Variants in KDM4C observed in about 807,000 individuals in gnomAD.
The protein encoded by KDM4C is lysine-specific demethylase 4C.
In KDM4C, 81 loss-of-function variants were observed where a neutral mutation model predicts 129.3. The ratio of observed to expected loss-of-function variants is 0.63; its 90% CI spans 0.52 to 0.75. The LOEUF (loss-of-function observed/expected upper bound fraction) is 0.75, where lower values mean the gene tolerates loss of function less well. Ranked by LOEUF, KDM4C falls within the 30% of genes least tolerant of loss-of-function variation. The pLI is 0.00. For missense variants in KDM4C, 1,457 were observed against 1,304.0 expected (o/e 1.12, Z -1.81); for synonymous variants, 573 against 456.1 (o/e 1.26, Z -3.26).
chr9:7,175,459 T>C lies in KDM4C; in HGVS notation c.*730T>C, dbSNP rs1160812911. Reference sequence around the variant, plus strand: ...TCTGGGGCTGTTATTTTTAAACACTTTTTTTCATAATACATATTCCGAGTA... The same window carrying C: ...TCTGGGGCTGTTATTTTTAAACACTCTTTTTCATAATACATATTCCGAGTA... On this transcript the variant is annotated 3_prime_UTR_variant, in exon 22 of 22. Transcript: ENST00000381309. 1 of 152,662 alleles carries C rather than the reference T, an allele frequency of 6.6e-6. No individual in the cohort carries two copies. Among genetic ancestry groups the C allele is most frequent in the Non-Finnish European group, 1.5e-5 (1 of 68,050 alleles). 9.5% of individuals were successfully genotyped at this position (152,662 alleles called of 1,614,324 possible).
chr9:6,908,832 A>T (rs1160107206), intron 8 of KDM4C, among the ~76,000 whole-genome samples: 1 of 152,196 alleles, frequency 6.6e-6, no homozygotes, highest in African/African-American at 2.4e-5. Context: ...GGATAATAAT[A>T]CCAAATTGGA....
At chr9:6,846,930 T>G (rs555911897) in intron 4 of KDM4C, among the ~76,000 whole-genome samples, 1 of 152,334 alleles carries the variant, frequency 6.6e-6, no homozygotes, top group Admixed American at 6.5e-5. Context: ...GAAGAAAGAC[T>G]TGACGCTCAG....
chr9:6,834,072 T>A (rs1027625767), intron 4 of KDM4C, among the ~76,000 whole-genome samples: 1 of 107,568 alleles, frequency 9.3e-6, no homozygotes, highest in African/African-American at 3.8e-5. Flanking sequence ...ATAGTCTTGC[T>A]CTGTCACCTA....
intron 5 of KDM4C, among the ~76,000 whole-genome samples, chr9:6,871,661 A>G (rs1488296410): frequency 2.6e-5 from 4 of 152,226 alleles, no homozygotes; most frequent in Admixed American, 6.5e-5. Context: ...TTTTCAAAGT[A>G]TACAAAAAAG....
intron 15 of KDM4C, among the ~76,000 whole-genome samples, chr9:7,043,210 A>G (rs531865775): frequency 1.6e-4 from 24 of 152,166 alleles, no homozygotes; most frequent in African/African-American, 4.3e-4. Flanking sequence ...CTTTCAATAC[A>G]TGTCTCTGTT....
chr9:7,094,279 G>T (rs140005551), intron 17 of KDM4C, among the ~76,000 whole-genome samples: 3 of 152,192 alleles, frequency 2.0e-5, no homozygotes, highest in South Asian at 2.1e-4. Context: ...CTTTAACAGT[G>T]CCTGTTTTAC....
At chr9:7,017,949 A>G (rs1348330748) in intron 15 of KDM4C, among the ~76,000 whole-genome samples, 1 of 152,180 alleles carries the variant, frequency 6.6e-6, no homozygotes, top group Non-Finnish European at 1.5e-5. Context: ...AAAAATATGG[A>G]CACTCTTTAT....
chr9:6,823,277 G>A (rs954912194), intron 4 of KDM4C, among the ~76,000 whole-genome samples: 1 of 152,188 alleles, frequency 6.6e-6, no homozygotes, highest in African/African-American at 2.4e-5. Context: ...ATGCAGGTCA[G>A]TCTTCAGTGG....
In KDM4C at chr9:7,013,978, A is replaced by G. The variant is rs748508475; in HGVS notation, c.2159A>G (p.Lys720Arg). Residue 720 changes from lysine to arginine, a missense_variant, in exon 14 of 22, where the codon AAG (lysine) becomes AGG (arginine). Physicochemically the swap from Lys to Arg is conservative, Grantham distance 26 (BLOSUM62 2). Coordinates refer to ENST00000381309, the MANE Select transcript of KDM4C (RefSeq NM_015061.6). ...ACAAGTCTCCTTATTTCCTGTGCAA[A>G]GTGCTGCGTACGGGTTCATGCAAGT... The part of the protein sequence containing the change: ...DGTSLLISCA[K>R]CCVRVHASCY... 1 of 1,613,808 alleles carries G rather than the reference A, an allele frequency of 6.2e-7. No individual in the cohort carries two copies. The highest frequency in any genetic ancestry group is 8.5e-7 in the Non-Finnish European group (1 of 1,179,810).
chr9:7,024,366 G>A (rs1362514328), intron 15 of KDM4C, among the ~76,000 whole-genome samples: 1 of 149,706 alleles, frequency 6.7e-6, no homozygotes, highest in Non-Finnish European at 1.5e-5. Flanking sequence ...TAAGTTTTAG[G>A]GTACATGTGC....
intron 5 of KDM4C, among the ~76,000 whole-genome samples, chr9:6,855,966 C>T (rs568506107): frequency 6.6e-6 from 1 of 152,182 alleles, no homozygotes; most frequent in African/African-American, 2.4e-5. Flanking sequence ...GCCATGAACT[C>T]CTGGGTTCAA....
intron 19 of KDM4C, among the ~76,000 whole-genome samples, chr9:7,143,337 C>T (rs1446230625): frequency 6.6e-6 from 1 of 152,178 alleles, no homozygotes; most frequent in African/African-American, 2.4e-5. Flanking sequence ...ACCAACTATT[C>T]AGTGTTCATT....
intron 17 of KDM4C, among the ~76,000 whole-genome samples, chr9:7,061,076 AG>A (rs1488896967): frequency 6.6e-6 from 1 of 152,220 alleles, no homozygotes; most frequent in African/African-American, 2.4e-5. Context: ...TTTAGTCTCA[AG>A]CATGACCTAT....
intron 19 of KDM4C, among the ~76,000 whole-genome samples, chr9:7,128,694 T>C (rs1324083202): frequency 6.6e-6 from 1 of 152,206 alleles, no homozygotes; most frequent in African/African-American, 2.4e-5. Context: ...ATATTCCACA[T>C]GGGAGTAACA....
At chr9:7,018,650 C>G (rs1056807110) in intron 15 of KDM4C, among the ~76,000 whole-genome samples, 1 of 152,224 alleles carries the variant, frequency 6.6e-6, no homozygotes, top group Non-Finnish European at 1.5e-5. Context: ...GGCTCCTGTG[C>G]TCACACACTG....
At chr9:6,761,904 C>A (rs2130450075) in intron 1 of KDM4C, among the ~76,000 whole-genome samples, 1 of 152,180 alleles carries the variant, frequency 6.6e-6, no homozygotes, top group South Asian at 2.1e-4. Context: ...CTCCGACTCC[C>A]TGGAGTGATT....
chr9:7,051,145 A>T (rs889342809), intron 17 of KDM4C, among the ~76,000 whole-genome samples: 10 of 152,168 alleles, frequency 6.6e-5, no homozygotes, highest in African/African-American at 2.4e-4. Flanking sequence ...ATATAATGTT[A>T]TATTTATGGA....
upstream of KDM4C, among the ~76,000 whole-genome samples, chr9:6,756,653 G>A (rs143126232): frequency 1.3e-5 from 2 of 152,346 alleles, no homozygotes; most frequent in East Asian, 3.9e-4. Context: ...TGAGGCGGAG[G>A]TTGCAGTAAG....
chr9:6,835,327 C>G (rs758281055), intron 4 of KDM4C: 11 of 961,258 alleles, frequency 1.1e-5, no homozygotes, highest in South Asian at 3.8e-5. Flanking sequence ...CCACAAAGAC[C>G]TTTACGCCAA....
Sources: allele counts gnomAD v4.1 joint callset (sites outside exome capture counted in the v4.1 genomes callset), GRCh38; gene constraint gnomAD v4.1.1; transcripts MANE v1.5; gene names NCBI Gene and HGNC (gene_info 2026-07-23, HGNC 2026-07-21).